Variants in FOXN3 observed in about 807,000 individuals in gnomAD.
The protein encoded by FOXN3 is forkhead box N3.
FOXN3 carries 7 observed loss-of-function variants against 38.4 expected under a neutral mutation model. The observed-to-expected ratio is 0.18, with a 90% CI of 0.10 to 0.34. The LOEUF is 0.34. Among genes scored for constraint, FOXN3 ranks in the 10% least tolerant of loss-of-function variants. The pLI is 1.00. For synonymous variants in FOXN3, 230 were observed against 242.2 expected, an observed-to-expected ratio of 0.95 and a Z score of 0.47; for missense variants, 456 against 613.4, an observed-to-expected ratio of 0.74 and a Z score of 2.71.
intron 1 of FOXN3, among the ~76,000 whole-genome samples, chr14:89,511,228 T>TTTC (rs1555358076): frequency 1.6e-4 from 4 of 24,908 alleles, no homozygotes; most frequent in African/African-American, 3.0e-4. Flanking sequence ...TCTTTCTTTC[T>TTTC]TTTCTTTCCT....
intron 4 of FOXN3, among the ~76,000 whole-genome samples, chr14:89,248,500 G>A (rs997337413): frequency 6.6e-6 from 1 of 152,208 alleles, no homozygotes; most frequent in Non-Finnish European, 1.5e-5. Context: ...GCTGACATGG[G>A]CCAGAGACCC....
chr14:89,432,390 T>C (rs1892177386), intron 1 of FOXN3, among the ~76,000 whole-genome samples: 1 of 152,126 alleles, frequency 6.6e-6, no homozygotes, highest in South Asian at 2.1e-4. Flanking sequence ...GTCAAAACAA[T>C]GAACACCAAG....
intron 1 of FOXN3, among the ~76,000 whole-genome samples, chr14:89,415,604 C>CAAAAAAAAAAAAAAAAAAAAAAAAAAAAA (rs34026101): frequency 3.7e-5 from 2 of 54,282 alleles, no homozygotes; most frequent in African/African-American, 5.6e-5. Context: ...CAACAATAAC[C>CAAAAAAAAAAAAAAAAAAAAAAAAAAAAA]AAAAAAAAAA....
chr14:89,204,826 C>CCATG (rs1888336475), intron 4 of FOXN3, among the ~76,000 whole-genome samples: 1 of 151,706 alleles, frequency 6.6e-6, no homozygotes, highest in Admixed American at 6.6e-5. Context: ...ATCCATCCAT[C>CCATG]CATGCATTCA....
intron 4 of FOXN3, among the ~76,000 whole-genome samples, chr14:89,263,087 C>T (rs763213422): frequency 8.5e-5 from 13 of 152,128 alleles, no homozygotes; most frequent in Non-Finnish European, 1.6e-4. Flanking sequence ...CCTAGAAAAA[C>T]GCTTGCTATG....
At chr14:89,319,553 C>T (rs150840869) in intron 3 of FOXN3, among the ~76,000 whole-genome samples, 26 of 152,216 alleles carry the variant, frequency 1.7e-4, no homozygotes, top group African/African-American at 6.0e-4. Flanking sequence ...CCACCAACCA[C>T]AGTGTTTCCA....
intron 1 of FOXN3, among the ~76,000 whole-genome samples, chr14:89,514,528 C>T (rs1013662162): frequency 6.6e-6 from 1 of 152,202 alleles, no homozygotes; most frequent in Admixed American, 6.5e-5. Flanking sequence ...AGACCTTAGA[C>T]ACAGACATCA....
At chr14:89,530,230 A>T (rs1192095856) in intron 1 of FOXN3, among the ~76,000 whole-genome samples, 1 of 152,094 alleles carries the variant, frequency 6.6e-6, no homozygotes, top group Non-Finnish European at 1.5e-5. Flanking sequence ...GAGCCACTGC[A>T]CCTGGCCTTG....
At chr14:89,531,985 C>T (rs1303168608) in intron 1 of FOXN3, among the ~76,000 whole-genome samples, 2 of 152,176 alleles carry the variant, frequency 1.3e-5, no homozygotes, top group African/African-American at 4.8e-5. Flanking sequence ...TAAACTCCAG[C>T]GGTTCTTAAA....
chr14:89,401,691 C>T, intron 2 of FOXN3: 2 of 455,680 alleles, frequency 4.4e-6, no homozygotes, highest in South Asian at 3.1e-5. Context: ...AAAGCATGTG[C>T]ACATGTTCTG....
intron 3 of FOXN3, among the ~76,000 whole-genome samples, chr14:89,324,866 C>T (rs903076933): frequency 6.6e-6 from 1 of 152,262 alleles, no homozygotes; most frequent in East Asian, 1.9e-4. Context: ...TATTAAAAAG[C>T]AGGTTCAGAT....
intron 4 of FOXN3, among the ~76,000 whole-genome samples, chr14:89,205,094 AT>A (rs1246007792): frequency 2.0e-5 from 3 of 150,058 alleles, no homozygotes; most frequent in African/African-American, 7.6e-5. Flanking sequence ...CTGGACAAGT[AT>A]TCTGCATGTC....
chr14:89,319,855 T>G (rs1321091400), intron 3 of FOXN3, among the ~76,000 whole-genome samples: 1 of 152,230 alleles, frequency 6.6e-6, no homozygotes, highest in Non-Finnish European at 1.5e-5. Context: ...TTTCTCATAT[T>G]TGAATATAAC....
At chr14:89,378,931 C>T (rs1890564209) in intron 2 of FOXN3, among the ~76,000 whole-genome samples, 1 of 152,034 alleles carries the variant, frequency 6.6e-6, no homozygotes, top group Non-Finnish European at 1.5e-5. Context: ...GGTCTCAATC[C>T]CTGGACCTCA....
chr14:89,221,114 C>T (rs555183258), intron 4 of FOXN3, among the ~76,000 whole-genome samples: 3 of 152,180 alleles, frequency 2.0e-5, no homozygotes, highest in Non-Finnish European at 2.9e-5. Context: ...GTGTGTAATA[C>T]AAGCCCTAGT....
At chr14:89,338,254 T>C (rs1427392673) in intron 3 of FOXN3, among the ~76,000 whole-genome samples, 4 of 152,216 alleles carry the variant, frequency 2.6e-5, no homozygotes, top group Admixed American at 2.6e-4. Flanking sequence ...TAGCCAATGA[T>C]TTCTGGCATC....
chr14:89,329,494 C>G (rs1888174654), intron 3 of FOXN3, among the ~76,000 whole-genome samples: 1 of 152,096 alleles, frequency 6.6e-6, no homozygotes, highest in Non-Finnish European at 1.5e-5. Context: ...CTACTGGTAC[C>G]TGGTGGGTAG....
chr14:89,341,243 T>C (rs1338811830), intron 3 of FOXN3, among the ~76,000 whole-genome samples: 3 of 152,210 alleles, frequency 2.0e-5, no homozygotes, highest in Non-Finnish European at 4.4e-5. Context: ...CCAGCTTCTG[T>C]TATGTGCCTG....
At chr14:89,556,405 A>G (rs1332480659) in intron 1 of FOXN3, among the ~76,000 whole-genome samples, 1 of 146,120 alleles carries the variant, frequency 6.8e-6, no homozygotes, top group Admixed American at 6.8e-5. Context: ...CTCCATCTCA[A>G]AAAAAAAAAA....
Sources: gnomAD v4.1 joint callset for allele counts (sites outside exome capture counted in the v4.1 genomes callset) on GRCh38, gnomAD v4.1.1 for gene constraint, MANE v1.5 for transcripts, NCBI Gene and HGNC (gene_info 2026-07-23, HGNC 2026-07-21) for gene names.